Variants in SUN1 observed in about 807,000 individuals in gnomAD.
SUN1 encodes SUN domain-containing protein 1.
In SUN1, 61 loss-of-function variants were observed where a neutral mutation model predicts 103.2. The observed-to-expected ratio is 0.59, with a 90% CI of 0.48 to 0.73. SUN1 has a LOEUF of 0.73. SUN1 is among the 30% of genes least tolerant of loss of function. The pLI, the probability that SUN1 is intolerant of heterozygous loss-of-function variation, is 0.00. For synonymous variants in SUN1, 490 were observed against 425.7 expected (o/e 1.15, Z -1.86); for missense variants, 1,052 against 1,034.6 (o/e 1.02, Z -0.23).
chr7:825,062 ATT>A (rs746564288), intron 1 of SUN1, among the ~76,000 whole-genome samples: 6 of 144,222 alleles, frequency 4.2e-5, no homozygotes, highest in African/African-American at 5.1e-5. Context: ...TATTACGATA[ATT>A]TTTTTTTTTT....
chr7:842,260 C>T, intron 3 of SUN1, 130 bp downstream of exon 3: 1 of 1,025,196 alleles, frequency 9.8e-7, no homozygotes. Context: ...GAGGCTGTGG[C>T]CACATTGTGG....
upstream of SUN1, among the ~76,000 whole-genome samples, chr7:828,397 G>C (rs1794831531): frequency 6.6e-6 from 1 of 151,826 alleles, no homozygotes; most frequent in Non-Finnish European, 1.5e-5. Flanking sequence ...TCAGCCTCCT[G>C]AGTAGCTGGG....
chr7:853,016 A>T, intron 9 of SUN1, 64 bp downstream of exon 9: 5 of 1,543,572 alleles, frequency 3.2e-6, no homozygotes, highest in Non-Finnish European at 4.3e-6. Context: ...GACGTTCCAC[A>T]CTGCTGTGAG....
At chr7:868,493 G>A (rs537423444) in intron 16 of SUN1, 2 of 295,740 alleles carry the variant, frequency 6.8e-6, no homozygotes, top group Admixed American at 4.8e-5. Context: ...TTGGTCGGAT[G>A]GGGGGGCAGT....
chr7:850,308 C>T (rs1380473831), intron 5 of SUN1: 5 of 402,342 alleles, frequency 1.2e-5, no homozygotes, highest in South Asian at 2.4e-5. Flanking sequence ...AAGCAATTCT[C>T]CTGCCACAGC....
chr7:872,323 C>T (rs1032327321), intron 17 of SUN1, 147 bp from the exon 18 acceptor site: 7 of 660,512 alleles, frequency 1.1e-5, no homozygotes, highest in African/African-American at 5.4e-5. Flanking sequence ...GGGAAGGCCT[C>T]GTGACTGCCA....
chr7:816,594 C>T (rs752041230), upstream of SUN1: 38 of 397,464 alleles, frequency 9.6e-5, no homozygotes, highest in South Asian at 5.5e-4. Flanking sequence ...GGGGCGCGGC[C>T]CGCGATTGGC....
intron 9 of SUN1, 200 bp downstream of exon 9, chr7:853,152 G>A (rs371212719): frequency 1.3e-6 from 1 of 791,122 alleles, no homozygotes. Context: ...TCATGATTCA[G>A]TTAGTTTTAA....
chr7:858,035 A>C (rs1829105805), intron 13 of SUN1, 78 bp downstream of exon 13: 2 of 1,431,654 alleles, frequency 1.4e-6, no homozygotes, highest in Non-Finnish European at 1.9e-6. Flanking sequence ...TAGGTTTATT[A>C]GCTGTTTAAT....
intron 5 of SUN1, chr7:849,607 A>C: frequency 6.8e-7 from 1 of 1,480,114 alleles, no homozygotes; most frequent in Non-Finnish European, 9.1e-7. Flanking sequence ...GCGCTGTGTA[A>C]GTATGGCTTC....
chr7:854,857 G>T, intron 10 of SUN1, 63 bp from the exon 11 acceptor site: 1 of 1,306,858 alleles, frequency 7.7e-7, no homozygotes, highest in Non-Finnish European at 1.1e-6. Flanking sequence ...GCCTTGGCCT[G>T]ATTTGCCAGG....
chr7:828,723 G>C (rs1233179768), upstream of SUN1, among the ~76,000 whole-genome samples: 1 of 152,190 alleles, frequency 6.6e-6, no homozygotes, highest in Non-Finnish European at 1.5e-5. Context: ...ACTTTGTCTG[G>C]GTGACAGGCA....
At chr7:825,173 C>T (rs1047744698) in intron 1 of SUN1, among the ~76,000 whole-genome samples, 2 of 152,084 alleles carry the variant, frequency 1.3e-5, no homozygotes, top group Non-Finnish European at 2.9e-5. Flanking sequence ...ATTCTCCTGC[C>T]TCAGCCTCCC....
At chr7:835,172 C>T (rs945900807) in intron 1 of SUN1, among the ~76,000 whole-genome samples, 5 of 152,260 alleles carry the variant, frequency 3.3e-5, no homozygotes, top group African/African-American at 7.2e-5. Context: ...CCACTGGCTT[C>T]GCCAGTGATG....
chr7:865,014 T>C (rs1835344130), intron 15 of SUN1, among the ~76,000 whole-genome samples: 1 of 152,158 alleles, frequency 6.6e-6, no homozygotes, highest in Admixed American at 6.5e-5. Context: ...ACCACCCTTC[T>C]ACCCTCTCTG....
At chr7:857,746 G>T in intron 12 of SUN1, 82 bp from the exon 13 acceptor site, 2 of 1,422,244 alleles carry the variant, frequency 1.4e-6, no homozygotes, top group Non-Finnish European at 1.9e-6. Context: ...GTGGGATCGG[G>T]TTCCCCTCAG....
intron 1 of SUN1, among the ~76,000 whole-genome samples, chr7:818,903 G>A (rs944315835): frequency 1.4e-5 from 2 of 147,626 alleles, no homozygotes; most frequent in Non-Finnish European, 3.0e-5. Context: ...TCGCTCTGTC[G>A]CCCAGGCTGG....
At position 859,950 on chromosome 7, in the gene SUN1, A is replaced by G. The variant is rs11769295; in HGVS notation, c.1525-178A>G. 0.62 allele frequency among the ~76,000 whole-genome samples: 93,739 copies of G among 152,026 alleles called. 29,292 individuals carry two copies. Among genetic ancestry groups the G allele is most frequent in the East Asian group, 0.8 (4,144 of 5,156 alleles). On this transcript the variant is annotated intron_variant, in intron 13 of 18. Transcript: ENST00000401592. Reference sequence around the variant, plus strand: ...CTCACCTATTTCTGTTCTTTTTAACATGGTCCTGCATTATTGGAGGGGTTA... The same window carrying G: ...CTCACCTATTTCTGTTCTTTTTAACGTGGTCCTGCATTATTGGAGGGGTTA...
Position 838,972 on chromosome 7 carries a change from G to T in SUN1, c.252G>T (p.Lys84Asn). 6.3e-7 allele frequency: 1 copy of T among 1,590,292 alleles called. No individual in the cohort carries two copies. Among genetic ancestry groups the T allele is most frequent in the Non-Finnish European group, 8.5e-7 (1 of 1,169,740 alleles). The change falls in exon 2 of 19, where the codon AAG becomes AAT. Residue 84 changes from lysine (K) to asparagine (N), a missense_variant. By Grantham distance (94) the Lys-to-Asn change is moderately conservative. Coordinates refer to ENST00000401592, the MANE Select transcript of SUN1 (RefSeq NM_001130965.3). ...DSGTSSAVSLKNRAARTTKQR... is the reference protein window; with the variant it reads ...DSGTSSAVSLNNRAARTTKQR... ...GCACCAGCAGCGCTGTCTCCCTGAA[G>T]AACCGAGCGGCCAGGTGAGCACCGC...
Sources: allele counts gnomAD v4.1 joint callset (sites outside exome capture counted in the v4.1 genomes callset), GRCh38; gene constraint gnomAD v4.1.1; transcripts MANE v1.5; gene names NCBI Gene and HGNC (gene_info 2026-07-23, HGNC 2026-07-21).